Variants in MAP4 observed in about 807,000 individuals in gnomAD.
MAP4 encodes the protein microtubule-associated protein 4.
A neutral mutation model predicts 170.2 loss-of-function variants in MAP4; 76 were observed. That is an observed-to-expected ratio of 0.45 (90% CI 0.37 to 0.54). The LOEUF is 0.54. Among genes scored for constraint, MAP4 ranks in the 20% least tolerant of loss-of-function variants. MAP4 has a pLI of 0.00. For missense variants in MAP4, 2,506 were observed against 2,748.0 expected, an observed-to-expected ratio of 0.91 and a Z score of 1.97; for synonymous variants, 909 against 994.5, an observed-to-expected ratio of 0.91 and a Z score of 1.62.
intron 1 of MAP4, among the ~76,000 whole-genome samples, chr3:48,046,222 T>C (rs756180051): frequency 1.3e-4 from 20 of 152,162 alleles, no homozygotes; most frequent in Non-Finnish European, 2.4e-4. Flanking sequence ...CTCTATCGGT[T>C]ATCGATTTTT....
chr3:47,981,441 A>G (rs1342104158), intron 2 of MAP4, among the ~76,000 whole-genome samples: 1 of 151,976 alleles, frequency 6.6e-6, no homozygotes, highest in Non-Finnish European at 1.5e-5. Context: ...GCACACGCCT[A>G]TAGTCCTTAT....
At chr3:48,028,842 TC>T (rs2100114424) in intron 1 of MAP4, among the ~76,000 whole-genome samples, 1 of 150,512 alleles carries the variant, frequency 6.6e-6, no homozygotes, top group South Asian at 2.1e-4. Context: ...CATTCACACA[TC>T]CAAAATGTCT....
intron 1 of MAP4, among the ~76,000 whole-genome samples, chr3:48,032,626 C>G (rs1320518117): frequency 2.0e-5 from 3 of 152,092 alleles, no homozygotes; most frequent in African/African-American, 7.2e-5. Context: ...GATTGTGGCA[C>G]TGCACTCCAG....
At chr3:48,062,203 A>C (rs2100135969) in intron 1 of MAP4, among the ~76,000 whole-genome samples, 1 of 152,090 alleles carries the variant, frequency 6.6e-6, no homozygotes, top group Admixed American at 6.5e-5. Context: ...CTTACCCCCA[A>C]CCCGGTGCTC....
chr3:48,023,440 A>G (rs2100111545), intron 1 of MAP4, among the ~76,000 whole-genome samples: 1 of 152,224 alleles, frequency 6.6e-6, no homozygotes, highest in Non-Finnish European at 1.5e-5. Flanking sequence ...GAGGCTTCGG[A>G]AAGATGGAGA....
intron 10 of MAP4, chr3:47,892,893 T>C: frequency 3.0e-6 from 3 of 992,958 alleles, no homozygotes; most frequent in Non-Finnish European, 3.6e-6. Flanking sequence ...CACACTCATT[T>C]ATCTGATACC....
chr3:48,077,342 G>A (rs950507690), intron 1 of MAP4, among the ~76,000 whole-genome samples: 1 of 151,726 alleles, frequency 6.6e-6, no homozygotes, highest in African/African-American at 2.4e-5. Context: ...TCAGGAGGCT[G>A]AGGCAGGAGA....
At chr3:48,031,880 TAC>T (rs1559824676) in intron 1 of MAP4, among the ~76,000 whole-genome samples, 2 of 147,504 alleles carry the variant, frequency 1.4e-5, no homozygotes, top group African/African-American at 5.3e-5. Flanking sequence ...AACACACACA[TAC>T]ACACACACAT....
At chr3:47,908,213 TG>T (rs2100034156) in intron 9 of MAP4, among the ~76,000 whole-genome samples, 1 of 105,618 alleles carries the variant, frequency 9.5e-6, no homozygotes, top group Non-Finnish European at 1.9e-5. Flanking sequence ...TTTGGGGAAT[TG>T]GGGGTGGGGG....
intron 15 of MAP4, among the ~76,000 whole-genome samples, chr3:47,870,292 A>C (rs2089282281): frequency 6.6e-6 from 1 of 152,212 alleles, no homozygotes. Context: ...TATGCAGTGC[A>C]GTCCTGCTGT....
intron 3 of MAP4, among the ~76,000 whole-genome samples, chr3:47,929,312 C>T (rs528489365): frequency 3.9e-5 from 6 of 151,976 alleles, no homozygotes; most frequent in South Asian, 2.1e-4. Flanking sequence ...GCCAAGATTG[C>T]GCCACTGCAC....
intron 2 of MAP4, among the ~76,000 whole-genome samples, chr3:47,978,220 C>G (rs2100083333): frequency 6.6e-6 from 1 of 152,100 alleles, no homozygotes; most frequent in Admixed American, 6.5e-5. Context: ...CAAAGATTAC[C>G]ATTAAATTCA....
chr3:47,919,571 G>C (rs898662268), intron 5 of MAP4, among the ~76,000 whole-genome samples: 2 of 152,084 alleles, frequency 1.3e-5, no homozygotes, highest in African/African-American at 2.4e-5. Flanking sequence ...GCCTCCCAAC[G>C]TGCTGGGATT....
At position 47,851,902 on chromosome 3, in the gene MAP4, C is replaced by T. The variant is rs2149357637; in HGVS notation, c.*1032G>A. The T allele has an allele frequency of 1.3e-5, 2 of 152,336 alleles. No individual in the cohort carries two copies. Among genetic ancestry groups the T allele is most frequent in the Middle Eastern group, 6.8e-3 (2 of 294 alleles). The allele number at this position is 152,336 out of a possible 1,614,324, so 9.4% of individuals were successfully genotyped here. On this transcript the variant is annotated 3_prime_UTR_variant, in exon 21 of 21. Coordinates refer to ENST00000683076, the MANE Select transcript of MAP4 (RefSeq NM_001385682.1). ...CTCCTGGCCCTTTCTTGTTCTCCAGCCCTGGCTTTTTATCCTAGGGCTGAC... is the reference window on the plus strand; with the variant it reads ...CTCCTGGCCCTTTCTTGTTCTCCAGTCCTGGCTTTTTATCCTAGGGCTGAC...
chr3:47,892,519 T>G (rs1166985207), intron 10 of MAP4: 2 of 1,492,678 alleles, frequency 1.3e-6, no homozygotes, highest in African/African-American at 2.8e-5. Context: ...TCTCCCTGCT[T>G]TCGCTCCTGG....
intron 1 of MAP4, among the ~76,000 whole-genome samples, chr3:47,999,715 G>C (rs1478059542): frequency 6.6e-6 from 1 of 152,006 alleles, no homozygotes; most frequent in East Asian, 1.9e-4. Context: ...GGTGGGAGGA[G>C]GGAAAGGAGC....
chr3:47,887,349 G>C (rs1271118795), intron 10 of MAP4, among the ~76,000 whole-genome samples: 1 of 152,244 alleles, frequency 6.6e-6, no homozygotes, highest in African/African-American at 2.4e-5. Context: ...TTAGCACCCG[G>C]GCCAGTGGCT....
intron 1 of MAP4, among the ~76,000 whole-genome samples, chr3:48,079,789 T>C (rs1477649909): frequency 6.6e-6 from 1 of 151,050 alleles, no homozygotes; most frequent in African/African-American, 2.4e-5. Context: ...TCTCTACTAA[T>C]AATACAAAAA....
At chr3:47,969,739 T>A (rs1246896931) in intron 3 of MAP4, among the ~76,000 whole-genome samples, 3 of 151,902 alleles carry the variant, frequency 2.0e-5, no homozygotes, top group Non-Finnish European at 1.5e-5. Flanking sequence ...ATCTGCATCC[T>A]GGCACCACAC....
Sources: gnomAD v4.1 joint callset for allele counts (sites outside exome capture counted in the v4.1 genomes callset) on GRCh38, gnomAD v4.1.1 for gene constraint, MANE v1.5 for transcripts, NCBI Gene and HGNC (gene_info 2026-07-23, HGNC 2026-07-21) for gene names.